The following KIRREL3 variants were observed in gnomAD, a reference collection of about 807,000 sequenced individuals.
KIRREL3 encodes kirre like nephrin family adhesion molecule 3.
In KIRREL3, 36 loss-of-function variants were observed where a neutral mutation model predicts 89.7. The observed-to-expected ratio is 0.40, with a 90% CI of 0.31 to 0.53. The LOEUF (loss-of-function observed/expected upper bound fraction) is 0.53. Ranked by LOEUF, KIRREL3 falls within the 20% of genes least tolerant of loss-of-function variation. The pLI, the probability that KIRREL3 is intolerant of heterozygous loss-of-function variation, is 0.49. For synonymous variants in KIRREL3, 445 were observed against 441.4 expected (o/e 1.01, Z -0.10); for missense variants, 864 against 1,056.6 (o/e 0.82, Z 2.53).
chr11:126,855,153 T>C (rs980215579), intron 1 of KIRREL3, among the ~76,000 whole-genome samples: 9 of 152,202 alleles, frequency 5.9e-5, no homozygotes, highest in African/African-American at 9.6e-5. Flanking sequence ...TGCAACCTTA[T>C]TGATATGGTT....
rs937469483 is a variant in KIRREL3, at chr11:126,905,419, A to C, written c.55+95036T>G. Among the ~76,000 whole-genome samples the C allele has an allele frequency of 6.6e-6, 1 of 152,180 alleles. No homozygotes were observed. The highest frequency in any genetic ancestry group is 2.4e-5 in the African/African-American group (1 of 41,440). On this transcript the variant is annotated intron_variant, in intron 1 of 16. Coordinates refer to ENST00000525144, the MANE Select transcript of KIRREL3 (RefSeq NM_032531.4). The surrounding 1 kb of genome is among the most constrained non-coding windows in gnomAD (Gnocchi z 5.0). ...AAAGAGCCCTAAATAATTGCAATGCATCAACTTGGCAGAGGGCTACACATT... is the reference window on the plus strand; with the variant it reads ...AAAGAGCCCTAAATAATTGCAATGCCTCAACTTGGCAGAGGGCTACACATT...
Position 126,537,446 on chromosome 11 carries a change from G to C in KIRREL3, c.134-10759C>G, listed in dbSNP as rs1937988897. 6.6e-6 allele frequency among the ~76,000 whole-genome samples: 1 copy of C among 152,188 alleles called. No homozygotes were observed. Among genetic ancestry groups the C allele is most frequent in the Non-Finnish European group, 1.5e-5 (1 of 68,024 alleles). ...GGGGAGGAAGCAGAGAAGGCATCCT[G>C]GAGGAGGAATCATAATATGGGGAAA... On this transcript the variant is annotated intron_variant, in intron 2 of 16. Transcript: ENST00000525144. The surrounding 1 kb of genome is among the most constrained non-coding windows in gnomAD (Gnocchi z 4.3).
Position 126,522,108 on chromosome 11 carries a change from G to C in KIRREL3, c.284-644C>G, listed in dbSNP as rs759987970. 9.2e-5 allele frequency among the ~76,000 whole-genome samples: 14 copies of C among 152,108 alleles called. No individual in the cohort carries two copies. The highest frequency in any genetic ancestry group is 1.8e-4 in the Non-Finnish European group (12 of 68,040). ...AGGAGCCACTGTTAGAAAGGAAAGAGGGAGAAGAGATGGAAATGCTAAGCG... is the reference window on the plus strand; with the variant it reads ...AGGAGCCACTGTTAGAAAGGAAAGACGGAGAAGAGATGGAAATGCTAAGCG... On this transcript the variant is annotated intron_variant, in intron 3 of 16. Transcript: ENST00000525144. This position sits in a 1 kb window ranked among gnomAD's most constrained non-coding sequence, Gnocchi z 6.0.
chr11:126,797,848 C>T lies in KIRREL3; in HGVS notation c.55+202607G>A, dbSNP rs1251961141. Among the ~76,000 whole-genome samples the T allele has an allele frequency of 1.3e-5, 2 of 152,252 alleles. No individual in the cohort carries two copies. Among genetic ancestry groups the T allele is most frequent in the East Asian group, 3.9e-4 (2 of 5,174 alleles). On this transcript the variant is annotated intron_variant, in intron 1 of 16. Coordinates refer to ENST00000525144, the MANE Select transcript of KIRREL3 (RefSeq NM_032531.4). This position sits in a 1 kb window ranked among gnomAD's most constrained non-coding sequence, Gnocchi z 4.9. ...TTCTAAACATCAACACTCCAGAATG[C>T]AAAGAAAAATGAAATAATTGCATTC...
chr11:126,450,658 TGA>T (rs1311808236), intron 7 of KIRREL3, among the ~76,000 whole-genome samples: 5 of 148,598 alleles, frequency 3.4e-5, no homozygotes, highest in Non-Finnish European at 5.9e-5. Context: ...TGTGTGTGCA[TGA>T]GTGTGTGTGT....
Position 126,446,778 on chromosome 11 carries a change from A to C in KIRREL3, c.1106T>G (p.Met369Arg), listed in dbSNP as rs749562068. 5 of 1,602,624 alleles carry C rather than the reference A, an allele frequency of 3.1e-6. No homozygotes were observed. The Admixed American group carries it at 8.5e-5, about 27-fold the overall frequency. The change falls in exon 9 of 17, where the codon ATG becomes AGG. Residue 369 changes from methionine to arginine, a missense_variant. Physicochemically the swap from Met to Arg is moderately conservative, Grantham distance 91 (BLOSUM62 -1). Coordinates refer to ENST00000525144, the MANE Select transcript of KIRREL3 (RefSeq NM_032531.4). ...TGNPSLTIVW[M>R]KRGSGVVLSN... ...CCTCACCACTCCGGAGCCCCGCTTC[A>C]TCCAGACGATGGTCAGGGATGGGTT...
intron 1 of KIRREL3, among the ~76,000 whole-genome samples, chr11:126,826,209 G>A (rs1592183696): frequency 6.6e-6 from 1 of 152,128 alleles, no homozygotes; most frequent in East Asian, 1.9e-4. Flanking sequence ...GCTAGATAGT[G>A]CACACATGGG....
At chr11:126,692,264 G>T (rs1189284385) in intron 1 of KIRREL3, among the ~76,000 whole-genome samples, 3 of 152,096 alleles carry the variant, frequency 2.0e-5, no homozygotes, top group African/African-American at 4.8e-5. Context: ...GTGGAAATAG[G>T]CTGGGCACGG....
intron 7 of KIRREL3, among the ~76,000 whole-genome samples, chr11:126,451,980 C>G (rs947576100): frequency 2.6e-5 from 4 of 152,104 alleles, no homozygotes; most frequent in Non-Finnish European, 5.9e-5. Context: ...CTTTGCCTCC[C>G]CTTTATCTTA....
chr11:126,438,953 C>T (rs1436649236), intron 11 of KIRREL3, among the ~76,000 whole-genome samples: 1 of 152,218 alleles, frequency 6.6e-6, no homozygotes, highest in East Asian at 1.9e-4. Context: ...CCACTCCACC[C>T]CTGGACAGTC....
At chr11:126,465,180 GT>G in intron 5 of KIRREL3, among the ~76,000 whole-genome samples, 1 of 152,230 alleles carries the variant, frequency 6.6e-6, no homozygotes, top group South Asian at 2.1e-4. Context: ...GTGCAGTCCT[GT>G]TTCCCCCGAC....
At chr11:126,743,995 A>G (rs985785287) in intron 1 of KIRREL3, among the ~76,000 whole-genome samples, 3 of 152,242 alleles carry the variant, frequency 2.0e-5, no homozygotes, top group African/African-American at 7.2e-5. Flanking sequence ...GGATGGCCTC[A>G]TGGAAGAGGT....
rs566080709 is a variant in KIRREL3 at position 126,547,979 on chromosome 11, G to T, written c.133+14856C>A. ...CTCTGTTTCTTCCTCCTCAGAATGT[G>T]GATAACACTACCCACTTTGTGACGT... On this transcript the variant is annotated intron_variant, in intron 2 of 16. Transcript: ENST00000525144. Among the ~76,000 whole-genome samples, 3 of 152,224 alleles carry T rather than the reference G, an allele frequency of 2.0e-5. No homozygotes were observed. In the East Asian group the frequency reaches 5.8e-4, roughly 29 times the overall value.
rs1168286130 is a variant in KIRREL3 at position 126,565,520 on chromosome 11, G to A, written c.56-2608C>T. The stretch of plus-strand genomic sequence containing the variant: ...TATTTAGGCGGCTACGTTACAAGGC[G>A]CTAATAAGCACACTGCAGAAATTTA... On this transcript the variant is annotated intron_variant, in intron 1 of 16. Coordinates refer to ENST00000525144, the MANE Select transcript of KIRREL3 (RefSeq NM_032531.4). This position sits in a 1 kb window ranked among gnomAD's most constrained non-coding sequence, Gnocchi z 5.4. 5.3e-5 allele frequency among the ~76,000 whole-genome samples: 8 copies of A among 152,280 alleles called. No homozygotes were observed. Among genetic ancestry groups the A allele is most frequent in the East Asian group, 1.9e-4 (1 of 5,184 alleles).
intron 1 of KIRREL3, among the ~76,000 whole-genome samples, chr11:126,585,005 G>A (rs1455449473): frequency 1.3e-5 from 2 of 151,382 alleles, no homozygotes; most frequent in Non-Finnish European, 2.9e-5. Context: ...TGCAAGCTCC[G>A]CCTCCCGGGT....
intron 10 of KIRREL3, among the ~76,000 whole-genome samples, chr11:126,442,342 ACACAC>A (rs1565454339): frequency 8.5e-5 from 12 of 140,412 alleles, no homozygotes; most frequent in African/African-American, 3.3e-4. Context: ...ACACACACAC[ACACAC>A]ACACACAAAA....
At chr11:126,633,533 C>G (rs1474407923) in intron 1 of KIRREL3, among the ~76,000 whole-genome samples, 1 of 152,070 alleles carries the variant, frequency 6.6e-6, no homozygotes, top group African/African-American at 2.4e-5. Context: ...GAGCCTGGCA[C>G]CTCCCCCTCG....
chr11:126,474,350 G>A lies in KIRREL3; in HGVS notation c.434-884C>T, dbSNP rs972968239. ...ATTACCACCCCAATGACACAGATCCGGAAGCCGAGTTCCAGCAAGATTAGT... is the reference window on the plus strand; with the variant it reads ...ATTACCACCCCAATGACACAGATCCAGAAGCCGAGTTCCAGCAAGATTAGT... On this transcript the variant is annotated intron_variant, in intron 4 of 16. Transcript: ENST00000525144. The surrounding 1 kb of genome is among the most constrained non-coding windows in gnomAD (Gnocchi z 6.7). Among the ~76,000 whole-genome samples, 17 of 152,218 alleles carry A rather than the reference G, an allele frequency of 1.1e-4. No homozygotes were observed. Among genetic ancestry groups the A allele is most frequent in the South Asian group, 4.1e-4 (2 of 4,828 alleles).
intron 1 of KIRREL3, among the ~76,000 whole-genome samples, chr11:126,869,005 C>T (rs1447095866): frequency 6.6e-6 from 1 of 152,094 alleles, no homozygotes; most frequent in Non-Finnish European, 1.5e-5. Flanking sequence ...AATCATTTCC[C>T]AAAGCCCCAA....
Sources: allele counts gnomAD v4.1 joint callset (sites outside exome capture counted in the v4.1 genomes callset), GRCh38; gene constraint gnomAD v4.1.1; non-coding constraint Gnocchi (gnomAD v3.1); transcripts MANE v1.5; gene names NCBI Gene and HGNC (gene_info 2026-07-23, HGNC 2026-07-21).